Variants in TSPAN10 observed in about 807,000 individuals in gnomAD.
TSPAN10 encodes the protein tetraspanin 10.
In TSPAN10, 11 loss-of-function variants were observed where a neutral mutation model predicts 15.0. The observed-to-expected ratio is 0.73, with a 90% CI of 0.46 to 1.21. The LOEUF (loss-of-function observed/expected upper bound fraction) is 1.21, where lower values mean the gene tolerates loss of function less well. Among genes scored for constraint, TSPAN10 ranks in the 50% most tolerant of loss-of-function variants. TSPAN10 has a pLI of 0.00. For missense variants in TSPAN10, 486 were observed against 470.6 expected (o/e 1.03, Z -0.30); for synonymous variants, 241 against 226.2 (o/e 1.07, Z -0.59).
chr17:81,641,569 G>A (rs2036177514), upstream of TSPAN10, among the ~76,000 whole-genome samples: 1 of 151,864 alleles, frequency 6.6e-6, no homozygotes, highest in Non-Finnish European at 1.5e-5. Context: ...TGCTCCATCA[G>A]TACATTGCCT....
upstream of TSPAN10, among the ~76,000 whole-genome samples, chr17:81,642,128 A>G (rs1446085856): frequency 6.6e-6 from 1 of 152,164 alleles, no homozygotes; most frequent in Admixed American, 6.5e-5. Context: ...TGCCTGAGTC[A>G]CACCTGCGCT....
rs2036287135 is a variant in TSPAN10 at position 81,648,263 on chromosome 17, CCCCGCCCGCTGCCAAG to C, written c.1046_1061del (p.Ala349GlyfsTer?). 1.2e-5 allele frequency: 14 copies of C among 1,214,818 alleles called. No individual in the cohort carries two copies. In the South Asian group the frequency reaches 1.6e-4, roughly 14 times the overall value. The allele number at this position is 1,214,818 out of a possible 1,614,324, so 75.3% of individuals were successfully genotyped here. On this transcript the variant is annotated frameshift_variant, in exon 3 of 3. Coordinates refer to ENST00000611590, the Ensembl canonical transcript of TSPAN10. LOFTEE classifies it low-confidence loss of function (END_TRUNC). ...GGCCCCCAGAGCCCCAGCCCCGGCGCCCCGCCCGCTGCCAAGCCCGCCCGGGGCTGAGCGCACGCCC... is the reference window on the plus strand; with the variant it reads ...GGCCCCCAGAGCCCCAGCCCCGGCGCCCCGCCCGGGGCTGAGCGCACGCCC...
At chr17:81,640,772 C>G (rs2036170959), upstream of TSPAN10, among the ~76,000 whole-genome samples, 2 of 152,148 alleles carry the variant, frequency 1.3e-5, no homozygotes, top group East Asian at 3.9e-4. Context: ...AAGGCCCTGT[C>G]TCCAAGTCCC....
intron 2 of TSPAN10, among the ~76,000 whole-genome samples, chr17:81,646,960 G>A (rs1156245442): frequency 1.3e-5 from 2 of 151,858 alleles, no homozygotes; most frequent in Non-Finnish European, 2.9e-5. Flanking sequence ...GCTATCCCCA[G>A]TGCATGCACA....
upstream of TSPAN10, among the ~76,000 whole-genome samples, chr17:81,641,752 CA>C (rs61103847): frequency 0.5 from 76,254 of 151,462 alleles, 21,049 homozygotes; most frequent in East Asian, 0.99. Flanking sequence ...CCTGTCTCTA[CA>C]AAAAAAATTC....
At chr17:81,645,032 C>G in exon 2 of TSPAN10, 1 of 1,596,530 alleles carries the variant, frequency 6.3e-7, no homozygotes, top group Non-Finnish European at 8.6e-7. Flanking sequence ...CACAGGCCAC[C>G]CACCTCAGGC....
exon 2 of TSPAN10, chr17:81,645,090 C>T: frequency 1.9e-6 from 3 of 1,592,260 alleles, no homozygotes; most frequent in Middle Eastern, 1.7e-4. Context: ...CCTGGGGCTG[C>T]AGCTGCTGTC....
chr17:81,637,485 A>G, upstream of TSPAN10: 1 of 680,310 alleles, frequency 1.5e-6, no homozygotes, highest in East Asian at 2.7e-5. Flanking sequence ...AATTTAACAT[A>G]AGAAAAACAA....
upstream of TSPAN10, among the ~76,000 whole-genome samples, chr17:81,640,423 A>T (rs2036168185): frequency 1.3e-5 from 2 of 151,562 alleles, no homozygotes; most frequent in Non-Finnish European, 2.9e-5. Flanking sequence ...TCTTGTAAGG[A>T]TGTTGGATTA....
upstream of TSPAN10, chr17:81,642,187 C>G (rs1420864728): frequency 1.2e-5 from 6 of 517,356 alleles, no homozygotes; most frequent in Non-Finnish European, 2.1e-5. Flanking sequence ...TATATCTCCA[C>G]AAGCAGAGGC....
At chr17:81,637,404 C>T (rs1568176126) in exon 1 of TSPAN10, 2 of 700,364 alleles carry the variant, frequency 2.9e-6, no homozygotes, top group Non-Finnish European at 5.2e-6. Context: ...TCTCCATGCA[C>T]AGGTAAGTAG....
Position 81,647,892 on chromosome 17 carries a change from G to T in TSPAN10, c.675-9G>T. ...CCCGCCAGAACTGACGATTCCATGCGCCTTGCAGGTACTTTAACTGCAGCT... is the reference window on the plus strand; with the variant it reads ...CCCGCCAGAACTGACGATTCCATGCTCCTTGCAGGTACTTTAACTGCAGCT... On this transcript the variant is annotated splice_polypyrimidine_tract_variant and intron_variant, in intron 2 of 2. Coordinates refer to ENST00000611590, the Ensembl canonical transcript of TSPAN10. 1 of 1,591,078 alleles carries T rather than the reference G, an allele frequency of 6.3e-7. No individual in the cohort carries two copies.
rs1180058243 is a variant in TSPAN10, at chr17:81,645,384, C to A, written c.429C>A (p.Leu143=). ...GCCTGGCTGGCTACCTGGGCGCCCT[C>A]TGTGAGAACACCTGCCTGTTACGTG... is the stretch of plus-strand genomic sequence containing the variant. Residue 143 remains leucine, a synonymous_variant, in exon 2 of 3, where the codon CTC becomes CTA. Transcript: ENST00000611590. The A allele has an allele frequency of 3.1e-6, 5 of 1,599,818 alleles. No individual in the cohort carries two copies. The African/African-American group carries it at 6.7e-5, about 21-fold the overall frequency.
exon 2 of TSPAN10, chr17:81,645,283 A>C: frequency 7.2e-6 from 11 of 1,533,548 alleles, no homozygotes; most frequent in Non-Finnish European, 9.6e-6. Context: ...GTCTCTGGGA[A>C]GTGATCTGGG....
rs569873191 is a variant in TSPAN10, at chr17:81,648,162, C to T, written c.936C>T (p.Ala312=). Residue 312 remains alanine (A), a synonymous_variant, in exon 3 of 3, where the codon GCC becomes GCT. Transcript: ENST00000611590. The stretch of plus-strand genomic sequence containing the variant: ...TGCAGGGCGCGGAGCTCCTGCTGGC[C>T]GCCCGGCTACTCGGGGCCCTCGCTG... 36 of 1,464,118 alleles carry T rather than the reference C, an allele frequency of 2.5e-5. No individual in the cohort carries two copies. In the African/African-American group the frequency reaches 5.0e-4, roughly 21 times the overall value. The allele number at this position is 1,464,118 out of a possible 1,614,324, so 90.7% of individuals were successfully genotyped here.
At chr17:81,642,652 C>T (rs553830137) in intron 1 of TSPAN10, among the ~76,000 whole-genome samples, 5 of 152,326 alleles carry the variant, frequency 3.3e-5, no homozygotes, top group African/African-American at 1.2e-4. Flanking sequence ...CCCATGCTGG[C>T]CTCTGGTCAA....
At chr17:81,645,194 T>G in exon 2 of TSPAN10, 1 of 1,546,594 alleles carries the variant, frequency 6.5e-7, no homozygotes, top group Non-Finnish European at 8.7e-7. Flanking sequence ...AAGTATCTGA[T>G]CTTCCTCTCC....
At chr17:81,640,160 T>G (rs891825573), upstream of TSPAN10, among the ~76,000 whole-genome samples, 16 of 152,144 alleles carry the variant, frequency 1.1e-4, no homozygotes, top group African/African-American at 3.9e-4. Flanking sequence ...CTTTTTGTAT[T>G]TTTAGTAGAG....
upstream of TSPAN10, among the ~76,000 whole-genome samples, chr17:81,641,108 T>G (rs1316054629): frequency 1.3e-5 from 2 of 151,688 alleles, no homozygotes; most frequent in Non-Finnish European, 2.9e-5. Flanking sequence ...GAGGTTGCGG[T>G]GAGTCAAAAT....
Sources: gnomAD v4.1 joint callset for allele counts (sites outside exome capture counted in the v4.1 genomes callset) on GRCh38, gnomAD v4.1.1 for gene constraint, MANE v1.5 for transcripts, NCBI Gene and HGNC (gene_info 2026-07-23, HGNC 2026-07-21) for gene names.